ARHGDIB: variants seen among roughly 807,000 people sequenced by gnomAD.
ARHGDIB encodes the protein Rho GDP dissociation inhibitor beta, also known as rho GDP-dissociation inhibitor 2.
A neutral mutation model predicts 22.6 loss-of-function variants in ARHGDIB; 20 were observed. That is an observed-to-expected ratio of 0.88 (90% confidence interval 0.62 to 1.28). The LOEUF (loss-of-function observed/expected upper bound fraction) is 1.28. ARHGDIB is among the 50% of genes most tolerant of loss of function. The pLI is 0.00. For missense variants in ARHGDIB, 254 were observed against 245.4 expected, an observed-to-expected ratio of 1.04 and a Z score of -0.23; for synonymous variants, 114 against 96.1, an observed-to-expected ratio of 1.19 and a Z score of -1.09.
chr12:14,947,882 A>G lies in ARHGDIB; in HGVS notation c.333T>C (p.Ile111=), dbSNP rs1363522706. 6.2e-7 allele frequency: 1 copy of G among 1,610,970 alleles called. No individual in the cohort carries two copies. The highest frequency in any genetic ancestry group is 8.5e-7 in the Non-Finnish European group (1 of 1,177,154). ...LKEGSEYRVK[I]HFKVNRDIVS... is the part of the protein sequence containing the mutation. ...AAGGCAGGATACTTACTTTGAAGTG[A>G]ATTTTGACTCTATATTCAGAACCTT... Residue 111 remains isoleucine, a synonymous_variant, in exon 4 of 6, where the codon ATT becomes ATC. Transcript: ENST00000228945.
intron 1 of ARHGDIB, 143 bp from the exon 2 acceptor site, chr12:14,950,867 A>G (rs922730030): frequency 8.1e-6 from 5 of 616,750 alleles, no homozygotes; most frequent in Non-Finnish European, 1.3e-5. Flanking sequence ...ATTCAATCTC[A>G]TTAAATTCTA....
intron 3 of ARHGDIB, among the ~76,000 whole-genome samples, chr12:14,949,179 C>T (rs997122321): frequency 6.6e-6 from 1 of 152,102 alleles, no homozygotes; most frequent in Non-Finnish European, 1.5e-5. Context: ...CCTCTGATGC[C>T]CATTTCCTCC....
intron 5 of ARHGDIB, 134 bp from the exon 6 acceptor site, chr12:14,942,855 A>C: frequency 1.3e-6 from 1 of 765,146 alleles, no homozygotes; most frequent in Non-Finnish European, 2.0e-6. Context: ...AATAAACATT[A>C]GATTTACCTG....
At position 14,956,155 on chromosome 12, in the gene ARHGDIB, T is replaced by C. The variant is rs557804899; in HGVS notation, c.-13+5382A>G. On this transcript the variant is annotated intron_variant, in intron 1 of 5. Coordinates refer to ENST00000228945, the MANE Select transcript of ARHGDIB (RefSeq NM_001175.7). ...GAAGTTATAATAAAATTAGAGTTTG[T>C]TAGTCATCTTGGGAATCTACCTGGA... The C allele has an allele frequency of 4.3e-4, 66 of 152,306 alleles. 1 individual carries two copies. Among genetic ancestry groups the C allele is most frequent in the African/African-American group, 1.5e-3 (62 of 41,582 alleles). The allele number at this position is 152,306 out of a possible 1,614,324, so 9.4% of individuals were successfully genotyped here. A position where few individuals can be genotyped will look rare whatever the true frequency, so the allele number is the denominator to read the frequency against.
intron 4 of ARHGDIB, among the ~76,000 whole-genome samples, chr12:14,946,320 T>A (rs182508259): frequency 1.3e-5 from 2 of 152,350 alleles, no homozygotes; most frequent in Non-Finnish European, 2.9e-5. Flanking sequence ...TAGAAAGTGC[T>A]AAGAAGTTTG....
At chr12:14,945,867 T>G (rs979604742) in intron 4 of ARHGDIB, among the ~76,000 whole-genome samples, 1 of 152,146 alleles carries the variant, frequency 6.6e-6, no homozygotes, top group Non-Finnish European at 1.5e-5. Context: ...ATTAGCATCA[T>G]CAAAGAGACT....
chr12:14,948,624 C>G (rs116296351), intron 3 of ARHGDIB, among the ~76,000 whole-genome samples: 1,724 of 152,274 alleles, frequency 0.011, 36 homozygotes, highest in African/African-American at 0.038. Flanking sequence ...TAATCACTCT[C>G]TATGCTTTTC....
chr12:14,952,967 AAG>A (rs1465931967), intron 1 of ARHGDIB, among the ~76,000 whole-genome samples: 3 of 152,012 alleles, frequency 2.0e-5, no homozygotes, highest in African/African-American at 4.8e-5. Flanking sequence ...TGAAAAGAGA[AAG>A]AGAGAGAAAG....
At chr12:14,952,277 CAAAAAA>C (rs3084566) in intron 1 of ARHGDIB, among the ~76,000 whole-genome samples, 2 of 127,348 alleles carry the variant, frequency 1.6e-5, no homozygotes, top group Non-Finnish European at 3.3e-5. Flanking sequence ...TTAATGGAAC[CAAAAAA>C]AAAAAAAAAA....
At chr12:14,959,527 T>G (rs1027732080) in intron 1 of ARHGDIB, among the ~76,000 whole-genome samples, 5 of 152,200 alleles carry the variant, frequency 3.3e-5, no homozygotes, top group Admixed American at 6.5e-5. Flanking sequence ...TAGAAGGCAC[T>G]CAATGAATGT....
chr12:14,949,358 A>G (rs1434520906), intron 3 of ARHGDIB, among the ~76,000 whole-genome samples: 1 of 152,172 alleles, frequency 6.6e-6, no homozygotes, highest in Non-Finnish European at 1.5e-5. Flanking sequence ...AAACAATTCA[A>G]TCTATAGCAG....
At position 14,942,633 on chromosome 12, in the gene ARHGDIB, G is replaced by A. The variant is rs1335865589; in HGVS notation, c.495C>T (p.Gly165=). 2 of 1,614,118 alleles carry A rather than the reference G, an allele frequency of 1.2e-6. No homozygotes were observed. Among genetic ancestry groups the A allele is most frequent in the Non-Finnish European group, 1.7e-6 (2 of 1,179,978 alleles). ...TGTGGTACGTGCCTCGCGCCAGCAT[G>A]CCCTTGGGAGCCTCCTCAACTGGAG... ...FLTPVEEAPK[G]MLARGTYHNK... The change falls in exon 6 of 6, where the codon GGC becomes GGT. Residue 165 remains glycine (G), a synonymous_variant. Coordinates refer to ENST00000228945, the MANE Select transcript of ARHGDIB (RefSeq NM_001175.7).
intron 3 of ARHGDIB, 115 bp from the exon 4 acceptor site, chr12:14,948,064 G>C (rs1233141365): frequency 1.5e-6 from 1 of 679,406 alleles, no homozygotes; most frequent in South Asian, 1.5e-5. Flanking sequence ...TGGTTCACAG[G>C]GCCCTCAATT....
chr12:14,961,572 G>C lies in ARHGDIB; in HGVS notation c.-48C>G, dbSNP rs914416588. On this transcript the variant is annotated 5_prime_UTR_variant, in exon 1 of 6. Transcript: ENST00000228945. ...TCACGTCTCTGTCCGGGGTGCCTCT[G>C]TCTCTCAACTCTGACTTCTGAGTAC... 6.6e-6 allele frequency: 1 copy of C among 152,160 alleles called. No homozygotes were observed. Among genetic ancestry groups the C allele is most frequent in the African/African-American group, 2.4e-5 (1 of 41,416 alleles). The allele number at this position is 152,160 out of a possible 1,614,324, so 9.4% of individuals were successfully genotyped here.
Position 14,952,780 on chromosome 12 carries a change from G to C in ARHGDIB, c.-12-2056C>G, listed in dbSNP as rs557114939. ...GAGCATCGGAACAACGGTTCATAGA[G>C]GAAGACATCCCAGCCCCCATGGTCA... On this transcript the variant is annotated intron_variant, in intron 1 of 5. Transcript: ENST00000228945. 5.9e-5 allele frequency among the ~76,000 whole-genome samples: 9 copies of C among 152,300 alleles called. No homozygotes were observed. The East Asian group carries it at 1.5e-3, about 26-fold the overall frequency.
intron 1 of ARHGDIB, chr12:14,951,274 A>C (rs911943663): frequency 2.0e-5 from 3 of 153,060 alleles, no homozygotes; most frequent in Admixed American, 6.5e-5. Flanking sequence ...CTCATGACGA[A>C]CCGTTGACCT....
intron 3 of ARHGDIB, 22 bp from the exon 4 acceptor site, chr12:14,947,971 G>A (rs1053726127): frequency 6.3e-7 from 1 of 1,584,554 alleles, no homozygotes; most frequent in Non-Finnish European, 8.7e-7. Flanking sequence ...GATTTAGAGA[G>A]AGTTTATCCT....
At chr12:14,942,805 C>T (rs1234590899) in intron 5 of ARHGDIB, 84 bp from the exon 6 acceptor site, 9 of 1,203,676 alleles carry the variant, frequency 7.5e-6, no homozygotes, top group Non-Finnish European at 9.5e-6. Context: ...GGACTACAGC[C>T]TACAGTGATT....
rs555038125 is a variant in ARHGDIB at position 14,949,426 on chromosome 12, A to G, written c.265+376T>C. On this transcript the variant is annotated intron_variant, in intron 3 of 5. Transcript: ENST00000228945. Reference sequence around the variant, plus strand: ...CACCTTCCAGTAAGTTTTGTAGTGGATAGAAGATCAATACTTTGATGTTTA... The same window carrying G: ...CACCTTCCAGTAAGTTTTGTAGTGGGTAGAAGATCAATACTTTGATGTTTA... Among the ~76,000 whole-genome samples, 4 of 151,886 alleles carry G rather than the reference A, an allele frequency of 2.6e-5. No homozygotes were observed. In the South Asian group the frequency reaches 8.3e-4, roughly 31 times the overall value.
Sources: gnomAD v4.1 joint callset for allele counts (sites outside exome capture counted in the v4.1 genomes callset) on GRCh38, gnomAD v4.1.1 for gene constraint, MANE v1.5 for transcripts, NCBI Gene and HGNC (gene_info 2026-07-23, HGNC 2026-07-21) for gene names.